The following PTPRT variants were observed in gnomAD, a reference collection of about 807,000 sequenced individuals.
The protein encoded by PTPRT is receptor-type tyrosine-protein phosphatase T.
A neutral mutation model predicts 176.8 loss-of-function variants in PTPRT; 56 were observed. The ratio of observed to expected loss-of-function variants is 0.32; its 90% CI spans 0.26 to 0.40. PTPRT has a LOEUF of 0.40. Ranked by LOEUF, PTPRT falls within the 10% of genes least tolerant of loss-of-function variation. PTPRT has a pLI of 1.00. For synonymous variants in PTPRT, 783 were observed against 739.0 expected (o/e 1.06, Z -0.96); for missense variants, 1,540 against 1,908.2 (o/e 0.81, Z 3.60).
intron 5 of PTPRT, among the ~76,000 whole-genome samples, chr20:42,768,553 T>G (rs1182066402): frequency 1.3e-5 from 2 of 152,212 alleles, no homozygotes; most frequent in African/African-American, 4.8e-5. Flanking sequence ...TTGTGAACTG[T>G]GTATCTGACA....
chr20:42,853,489 G>C (rs57781717), intron 2 of PTPRT, among the ~76,000 whole-genome samples: 1 of 152,136 alleles, frequency 6.6e-6, no homozygotes, highest in Non-Finnish European at 1.5e-5. Flanking sequence ...ATGAGAAGGT[G>C]TAAGTCTGGA....
chr20:42,880,758 A>G (rs1163214726), intron 2 of PTPRT, among the ~76,000 whole-genome samples: 2 of 152,240 alleles, frequency 1.3e-5, no homozygotes, highest in African/African-American at 4.8e-5. Context: ...CTCAATAACG[A>G]TAAGGTAGTG....
At chr20:42,878,887 G>T (rs2078972970) in intron 2 of PTPRT, among the ~76,000 whole-genome samples, 2 of 152,084 alleles carry the variant, frequency 1.3e-5, no homozygotes, top group Admixed American at 1.3e-4. Flanking sequence ...AAATTAGCTG[G>T]GCCTGGTGGT....
At chr20:42,247,787 A>C (rs577050497) in intron 14 of PTPRT, among the ~76,000 whole-genome samples, 1 of 152,292 alleles carries the variant, frequency 6.6e-6, no homozygotes, top group African/African-American at 2.4e-5. Context: ...GGAGGTGGGA[A>C]GTAGATGTGT....
At chr20:43,186,730 T>C (rs527665517) in intron 1 of PTPRT, among the ~76,000 whole-genome samples, 3 of 152,364 alleles carry the variant, frequency 2.0e-5, no homozygotes, top group East Asian at 1.9e-4. Flanking sequence ...TGCACATTAA[T>C]TGTTCTTTTA....
Position 42,110,350 on chromosome 20 carries a change from G to A in PTPRT, c.3237C>T (p.Pro1079=). ...VKFLNPPEAG[P]IVVHCSAGAG... ...TGACTTACCTGCAGTGGACCACTAT[G>A]GGCCCAGCTTCCGGGGGGTTGAGGA... Residue 1079 remains proline, a synonymous_variant, in exon 23 of 31, where the codon CCC becomes CCT. Transcript: ENST00000373187. 6.2e-7 allele frequency: 1 copy of A among 1,612,008 alleles called. No individual in the cohort carries two copies. Among genetic ancestry groups the A allele is most frequent in the Non-Finnish European group, 8.5e-7 (1 of 1,178,510 alleles).
chr20:42,808,495 A>C (rs1423881273), intron 2 of PTPRT, among the ~76,000 whole-genome samples: 1 of 152,128 alleles, frequency 6.6e-6, no homozygotes, highest in East Asian at 1.9e-4. Context: ...TCCTGGCCTG[A>C]CTGGTGAGAG....
In PTPRT at chr20:42,355,888, G is replaced by A. The variant is rs6102797; in HGVS notation, c.1561-3603C>T. Among the ~76,000 whole-genome samples, 379 of 152,134 alleles carry A rather than the reference G, an allele frequency of 2.5e-3. 5 individuals carry two copies. Among genetic ancestry groups the A allele is most frequent in the African/African-American group, 8.9e-3 (371 of 41,494 alleles). ...ATCCAAAAGCAACTCAATTTCCACC[G>A]AGCTGTCAATATAATATACCGCGCT... On this transcript the variant is annotated intron_variant, in intron 9 of 30. Coordinates refer to ENST00000373187, the MANE Select transcript of PTPRT (RefSeq NM_007050.6).
intron 16 of PTPRT, among the ~76,000 whole-genome samples, chr20:42,165,367 G>A (rs1325696688): frequency 6.6e-6 from 1 of 152,168 alleles, no homozygotes; most frequent in African/African-American, 2.4e-5. Context: ...AAATAAGCAG[G>A]CCACAGCCCT....
At chr20:42,718,933 G>T (rs549362027) in intron 6 of PTPRT, among the ~76,000 whole-genome samples, 2 of 152,336 alleles carry the variant, frequency 1.3e-5, no homozygotes, top group South Asian at 4.1e-4. Flanking sequence ...TACTAGTGAT[G>T]GTAGGAAAGA....
intron 7 of PTPRT, among the ~76,000 whole-genome samples, chr20:42,516,949 C>T (rs1301223705): frequency 6.6e-6 from 1 of 152,022 alleles, no homozygotes; most frequent in Admixed American, 6.6e-5. Context: ...TAATAAATTG[C>T]TAACTAACTT....
chr20:42,566,421 A>C (rs2073041230), intron 7 of PTPRT, among the ~76,000 whole-genome samples: 1 of 152,176 alleles, frequency 6.6e-6, no homozygotes, highest in Non-Finnish European at 1.5e-5. Flanking sequence ...CAGGCACCGC[A>C]GCCAGCTGAC....
chr20:42,372,279 C>CTTTTT (rs10588893), intron 9 of PTPRT, among the ~76,000 whole-genome samples: 1 of 83,664 alleles, frequency 1.2e-5, no homozygotes, highest in African/African-American at 4.8e-5. Flanking sequence ...TTTCTTAACT[C>CTTTTT]TTTTTTTTTT....
chr20:43,016,164 G>A (rs1041667544), intron 1 of PTPRT, among the ~76,000 whole-genome samples: 1 of 152,142 alleles, frequency 6.6e-6, no homozygotes, highest in Non-Finnish European at 1.5e-5. Flanking sequence ...TGGGGACAGG[G>A]GGTATGGAGC....
intron 15 of PTPRT, among the ~76,000 whole-genome samples, chr20:42,203,434 C>T (rs1991530098): frequency 6.6e-6 from 1 of 152,156 alleles, no homozygotes; most frequent in African/African-American, 2.4e-5. Context: ...TAACCTTATC[C>T]TCCCCTTTCA....
intron 1 of PTPRT, among the ~76,000 whole-genome samples, chr20:43,008,641 A>G (rs1346443248): frequency 6.6e-6 from 1 of 152,162 alleles, no homozygotes; most frequent in Non-Finnish European, 1.5e-5. Context: ...CAGTGAGCCG[A>G]CATCACACCA....
At chr20:42,646,994 G>A (rs1435658133) in intron 7 of PTPRT, among the ~76,000 whole-genome samples, 2 of 144,456 alleles carry the variant, frequency 1.4e-5, no homozygotes, top group Non-Finnish European at 3.0e-5. Flanking sequence ...TACTGGGCTC[G>A]AGCAATCCTT....
intron 11 of PTPRT, among the ~76,000 whole-genome samples, chr20:42,336,127 A>C (rs2058036268): frequency 6.6e-6 from 1 of 152,178 alleles, no homozygotes; most frequent in Non-Finnish European, 1.5e-5. Flanking sequence ...CTTACATATT[A>C]TATTATACTG....
intron 3 of PTPRT, among the ~76,000 whole-genome samples, chr20:42,789,228 AGATT>A (rs1269744023): frequency 6.6e-6 from 1 of 152,244 alleles, no homozygotes; most frequent in Non-Finnish European, 1.5e-5. Flanking sequence ...ATAATTGTTT[AGATT>A]GATTACATGT....
Sources: allele counts gnomAD v4.1 joint callset (sites outside exome capture counted in the v4.1 genomes callset), GRCh38; gene constraint gnomAD v4.1.1; transcripts MANE v1.5; gene names NCBI Gene and HGNC (gene_info 2026-07-23, HGNC 2026-07-21).